Variants in ANTXR1 observed in about 807,000 individuals in gnomAD.
The protein encoded by ANTXR1 is anthrax toxin receptor 1.
ANTXR1 carries 19 observed loss-of-function variants against 78.1 expected under a neutral mutation model. The ratio of observed to expected loss-of-function variants is 0.24; its 90% CI spans 0.17 to 0.36. ANTXR1 has a LOEUF of 0.36. ANTXR1 is among the 10% of genes least tolerant of loss of function. ANTXR1 has a pLI of 1.00. For missense variants in ANTXR1, 518 were observed against 718.6 expected (o/e 0.72, Z 3.19); for synonymous variants, 273 against 260.5 (o/e 1.05, Z -0.46).
In ANTXR1 at chr2:69,075,624, A is replaced by C; in HGVS notation, c.527A>C (p.Tyr176Ser). The change falls in exon 7 of 18, where the codon TAC becomes TCC. Residue 176 changes from tyrosine to serine, a missense_variant. Tyr to Ser is a moderately radical substitution (Grantham distance 144). Coordinates refer to ENST00000303714, the MANE Select transcript of ANTXR1 (RefSeq NM_032208.3). ...TCTCGAGATCTTGGTGCAATTGTTTACTGTGTTGGTGTGAAAGATTTCAAT... is the reference window on the plus strand; with the variant it reads ...TCTCGAGATCTTGGTGCAATTGTTTCCTGTGTTGGTGTGAAAGATTTCAAT... ...NRSRDLGAIV[Y>S]CVGVKDFNET... The C allele has an allele frequency of 6.2e-7, 1 of 1,614,008 alleles. No individual in the cohort carries two copies. The highest frequency in any genetic ancestry group is 8.5e-7 in the Non-Finnish European group (1 of 1,179,950).
At chr2:69,042,639 A>G (rs62135616) in intron 2 of ANTXR1, among the ~76,000 whole-genome samples, 6,216 of 152,122 alleles carry the variant, frequency 0.041, 163 homozygotes, top group South Asian at 0.057. Context: ...ATGGGACCCT[A>G]TTTCTCTACT....
intron 8 of ANTXR1, among the ~76,000 whole-genome samples, chr2:69,078,736 C>T (rs1411700282): frequency 1.3e-5 from 2 of 152,172 alleles, no homozygotes; most frequent in African/African-American, 4.8e-5. Flanking sequence ...TAATACTTTT[C>T]CAGACATACA....
intron 10 of ANTXR1, among the ~76,000 whole-genome samples, chr2:69,104,929 C>CA: frequency 6.6e-6 from 1 of 152,218 alleles, no homozygotes; most frequent in Middle Eastern, 3.4e-3. Context: ...ACCAAAAATA[C>CA]AAAAAATTAA....
At chr2:69,049,155 G>T (rs1318975132) in intron 3 of ANTXR1, among the ~76,000 whole-genome samples, 1 of 151,950 alleles carries the variant, frequency 6.6e-6, no homozygotes, top group Non-Finnish European at 1.5e-5. Context: ...TCCATAAAAT[G>T]ATTTACAAAA....
At chr2:69,200,769 T>C (rs1002170658) in intron 17 of ANTXR1, among the ~76,000 whole-genome samples, 1 of 152,146 alleles carries the variant, frequency 6.6e-6, no homozygotes, top group Non-Finnish European at 1.5e-5. Context: ...TATGTATGTA[T>C]GGTGTGCAAG....
At chr2:69,040,245 G>A (rs536203821) in intron 2 of ANTXR1, 130 bp downstream of exon 2, 23 of 773,542 alleles carry the variant, frequency 3.0e-5, no homozygotes, top group African/African-American at 8.6e-5. Context: ...CTCAGATCTC[G>A]GACCAGAGAC....
At position 69,090,793 on chromosome 2, in the gene ANTXR1, G is replaced by A. The variant is rs4854546; in HGVS notation, c.643-66G>A. The A allele has an allele frequency of 0.9, 1,399,510 of 1,563,106 alleles. 627,309 individuals are homozygous for A. Among genetic ancestry groups the A allele is most frequent in the African/African-American group, 0.97 (71,953 of 74,090 alleles). ...ATCTCTATCTCAGTAGCTAAAAGCAGAACCCTGATTCTGTCTTTGAACAAA... is the reference window on the plus strand; with the variant it reads ...ATCTCTATCTCAGTAGCTAAAAGCAAAACCCTGATTCTGTCTTTGAACAAA... On this transcript the variant is annotated intron_variant, in intron 8 of 17. Coordinates refer to ENST00000303714, the MANE Select transcript of ANTXR1 (RefSeq NM_032208.3).
At chr2:69,067,445 C>CTTT (rs372043237) in intron 3 of ANTXR1, among the ~76,000 whole-genome samples, 4 of 123,340 alleles carry the variant, frequency 3.2e-5, no homozygotes, top group Non-Finnish European at 5.2e-5. Flanking sequence ...CCCAAGAAGC[C>CTTT]TTTTTTTTTT....
At chr2:69,066,206 G>C (rs1349093950) in intron 3 of ANTXR1, among the ~76,000 whole-genome samples, 1 of 152,218 alleles carries the variant, frequency 6.6e-6, no homozygotes, top group African/African-American at 2.4e-5. Flanking sequence ...AGATTTTGCA[G>C]TGGAAACCTC....
chr2:69,073,136 A>C, intron 6 of ANTXR1, 35 bp downstream of exon 6: 1 of 1,599,398 alleles, frequency 6.3e-7, no homozygotes, highest in Non-Finnish European at 8.6e-7. Flanking sequence ...AAACATATAC[A>C]TGGAACGGGG....
intron 10 of ANTXR1, among the ~76,000 whole-genome samples, chr2:69,106,658 C>T (rs190011465): frequency 6.6e-6 from 1 of 152,342 alleles, no homozygotes; most frequent in East Asian, 1.9e-4. Context: ...GATACAGAAG[C>T]ACCAAGTCAA....
chr2:69,151,186 CTTTTTTTTTTTT>C (rs59147668), intron 12 of ANTXR1, among the ~76,000 whole-genome samples: 1 of 82,562 alleles, frequency 1.2e-5, no homozygotes, highest in African/African-American at 4.9e-5. Context: ...TGATTATTTT[CTTTTTTTTTTTT>C]TTTTTTTTTT....
intron 12 of ANTXR1, among the ~76,000 whole-genome samples, chr2:69,125,226 C>T (rs1325898786): frequency 6.6e-6 from 1 of 152,112 alleles, no homozygotes; most frequent in East Asian, 1.9e-4. Context: ...GAGGCAAGAG[C>T]GGGGACTGCA....
chr2:69,059,588 C>T (rs555985012), intron 3 of ANTXR1, among the ~76,000 whole-genome samples: 1 of 152,224 alleles, frequency 6.6e-6, no homozygotes, highest in African/African-American at 2.4e-5. Flanking sequence ...AAGTGATTCT[C>T]CTGTCTCAGC....
chr2:69,138,655 A>G (rs540230449), intron 12 of ANTXR1, among the ~76,000 whole-genome samples: 1 of 152,332 alleles, frequency 6.6e-6, no homozygotes, highest in South Asian at 2.1e-4. Flanking sequence ...GCCACAAACG[A>G]TACATAACTA....
chr2:69,175,948 A>T (rs1674109221), intron 14 of ANTXR1, among the ~76,000 whole-genome samples: 2 of 152,158 alleles, frequency 1.3e-5, no homozygotes, highest in Non-Finnish European at 2.9e-5. Flanking sequence ...TCCTAATAGC[A>T]ACAGGTCTGG....
intron 12 of ANTXR1, among the ~76,000 whole-genome samples, chr2:69,132,415 G>A (rs1046468660): frequency 5.3e-5 from 8 of 152,188 alleles, no homozygotes; most frequent in African/African-American, 1.2e-4. Context: ...GCTTTAAAGC[G>A]ATGAGAGAAT....
At chr2:69,106,108 T>C (rs1006540444) in intron 10 of ANTXR1, among the ~76,000 whole-genome samples, 1 of 152,260 alleles carries the variant, frequency 6.6e-6, no homozygotes, top group Non-Finnish European at 1.5e-5. Context: ...GTGAACAACT[T>C]TGCAAATTGA....
At chr2:69,182,406 T>G in intron 15 of ANTXR1, 87 bp from the exon 16 acceptor site, 2 of 1,495,716 alleles carry the variant, frequency 1.3e-6, no homozygotes, top group Non-Finnish European at 1.8e-6. Flanking sequence ...AGCATTCACA[T>G]TGCAACTCAT....
Sources: gnomAD v4.1 joint callset for allele counts (sites outside exome capture counted in the v4.1 genomes callset) on GRCh38, gnomAD v4.1.1 for gene constraint, MANE v1.5 for transcripts, NCBI Gene and HGNC (gene_info 2026-07-23, HGNC 2026-07-21) for gene names.